The following ERCC6L2 variants were observed in gnomAD, a reference collection of about 807,000 sequenced individuals.
ERCC6L2 encodes DNA excision repair protein ERCC-6-like 2.
In ERCC6L2, 77 loss-of-function variants were observed where a neutral mutation model predicts 132.0. The observed-to-expected ratio is 0.58, with a 90% CI of 0.49 to 0.71. ERCC6L2 has a LOEUF of 0.71. ERCC6L2 is among the 30% of genes least tolerant of loss of function. The pLI is 0.00. For synonymous variants in ERCC6L2, 583 were observed against 632.4 expected, an observed-to-expected ratio of 0.92 and a Z score of 1.17; for missense variants, 1,542 against 1,837.6, an observed-to-expected ratio of 0.84 and a Z score of 2.94.
At chr9:95,954,997 T>C (rs1831528376) in intron 12 of ERCC6L2, 1 of 413,468 alleles carries the variant, frequency 2.4e-6, no homozygotes, top group African/African-American at 2.1e-5. Context: ...TTCCCCCAAA[T>C]TGTGACATTT....
chr9:95,948,804 A>AAAAG (rs1564252542), intron 12 of ERCC6L2, among the ~76,000 whole-genome samples: 1 of 144,038 alleles, frequency 6.9e-6, no homozygotes, highest in East Asian at 2.1e-4. Context: ...AAAAAAAAAA[A>AAAAG]AAAAGAAAAG....
At chr9:96,025,762 G>A in intron 19 of ERCC6L2, 1 of 152,186 alleles carries the variant, frequency 6.6e-6, no homozygotes, top group Non-Finnish European at 1.5e-5. Context: ...TTTTAGAACT[G>A]ATCATTTGGG....
chr9:95,916,475 ATT>A, intron 6 of ERCC6L2, 41 bp downstream of exon 6: 3 of 1,284,116 alleles, frequency 2.3e-6, no homozygotes, highest in East Asian at 2.9e-5. Flanking sequence ...TTGTGGTCAT[ATT>A]TTTTTTTTCC....
At chr9:96,035,707 A>ATACCTCAGT (rs1834511249) in intron 19 of ERCC6L2, among the ~76,000 whole-genome samples, 1 of 152,208 alleles carries the variant, frequency 6.6e-6, no homozygotes, top group Non-Finnish European at 1.5e-5. Context: ...ACCTGTCTGC[A>ATACCTCAGT]TACCTCAGTT....
In ERCC6L2 at chr9:95,897,743, T is replaced by C. The variant is rs1828543185; in HGVS notation, c.472-106T>C. 18 of 1,131,720 alleles carry C rather than the reference T, an allele frequency of 1.6e-5. No individual in the cohort carries two copies. The South Asian group carries it at 2.5e-4, about 16-fold the overall frequency. The allele number at this position is 1,131,720 out of a possible 1,614,324, so 70.1% of individuals were successfully genotyped here. A position where few individuals can be genotyped will look rare whatever the true frequency, so the allele number is the denominator to read the frequency against. ...TTCATGTTCTATTTCCCCCAACAAA[T>C]CTCTTTGTACATACTTTGTCACTAA... On this transcript the variant is annotated intron_variant, in intron 2 of 18. Transcript: ENST00000653738.
chr9:95,941,806 A>G (rs1587945786), intron 12 of ERCC6L2, among the ~76,000 whole-genome samples: 1 of 152,316 alleles, frequency 6.6e-6, no homozygotes, highest in Non-Finnish European at 1.5e-5. Context: ...ACTGTAGGAA[A>G]ATAGGATAGT....
downstream of ERCC6L2, chr9:96,020,216 C>A (rs1834260960): frequency 6.3e-6 from 1 of 157,856 alleles, no homozygotes. Flanking sequence ...GTCACGAGAG[C>A]AGCGTTCAGG....
At chr9:95,990,791 C>T (rs1262677650) in intron 17 of ERCC6L2, among the ~76,000 whole-genome samples, 2 of 152,232 alleles carry the variant, frequency 1.3e-5, no homozygotes, top group Non-Finnish European at 2.9e-5. Context: ...AAGTGCCAGC[C>T]AGCTGAGTGG....
At position 95,972,567 on chromosome 9, in the gene ERCC6L2, C is replaced by G. The variant is rs1832466944; in HGVS notation, c.2816C>G (p.Thr939Arg). 2 of 1,289,148 alleles carry G rather than the reference C, an allele frequency of 1.6e-6. No homozygotes were observed. The highest frequency in any genetic ancestry group is 2.0e-6 in the Non-Finnish European group (2 of 988,724). The allele number at this position is 1,289,148 out of a possible 1,614,324, so 79.9% of individuals were successfully genotyped here. A position where few individuals can be genotyped will look rare whatever the true frequency, so the allele number is the denominator to read the frequency against. ...TCTGAAACAGAACACACTGTAAAAA[C>G]AAGAAATAATGATAATAGTCGAAAC... is the stretch of plus-strand genomic sequence containing the variant. ...EDSETEHTVK[T>R]RNNDNSRNTD... The change falls in exon 16 of 19, where the codon ACA (threonine) becomes AGA (arginine). Residue 939 changes from threonine (T) to arginine (R), a missense_variant. This residue lies in a region of ERCC6L2 where 945 missense variants were observed against 1,105.2 expected (regional missense o/e 0.86). Coordinates refer to ENST00000653738, the MANE Select transcript of ERCC6L2 (RefSeq NM_020207.7).
intron 6 of ERCC6L2, among the ~76,000 whole-genome samples, chr9:95,916,751 T>G (rs989578435): frequency 6.6e-6 from 1 of 151,436 alleles, no homozygotes; most frequent in Non-Finnish European, 1.5e-5. Context: ...GGCGCGATCT[T>G]GGCTCACTGC....
Position 95,972,143 on chromosome 9 carries a change from T to C in ERCC6L2, c.2392T>C (p.Leu798=), listed in dbSNP as rs921668742. The change falls in exon 16 of 19, where the codon TTG becomes CTG. Residue 798 remains leucine (L), a synonymous_variant. Coordinates refer to ENST00000653738, the MANE Select transcript of ERCC6L2 (RefSeq NM_020207.7). The part of the protein sequence containing the change: ...LTLLQCGFSK[L]LETKCKAVED... ...CTTACTCCAGTGTGGTTTCTCGAAA[T>C]TGCTTGAAACAAAATGTAAAGCAGT... is the stretch of plus-strand genomic sequence containing the variant. 1 of 1,304,232 alleles carries C rather than the reference T, an allele frequency of 7.7e-7. No individual in the cohort carries two copies. The highest frequency in any genetic ancestry group is 1.0e-6 in the Non-Finnish European group (1 of 988,930). The allele number at this position is 1,304,232 out of a possible 1,614,324, so 80.8% of individuals were successfully genotyped here.
rs73536565 is a variant in ERCC6L2, at chr9:96,015,880, C to T, written c.*2677C>T. Among the ~76,000 whole-genome samples, 964 of 152,228 alleles carry T rather than the reference C, an allele frequency of 6.3e-3. 14 individuals are homozygous for T. The highest frequency in any genetic ancestry group is 0.022 in the African/African-American group (928 of 41,524). ...CTGGAGTTTAAAAATTAGTTTCCAA[C>T]AGTTGTCAGTGAAATATTTATCACT... is the stretch of plus-strand genomic sequence containing the variant. On this transcript the variant is annotated 3_prime_UTR_variant, in exon 19 of 19. Transcript: ENST00000653738.
At chr9:95,893,123 CTAA>C (rs1304669844) in intron 2 of ERCC6L2, among the ~76,000 whole-genome samples, 2 of 151,990 alleles carry the variant, frequency 1.3e-5, no homozygotes, top group Admixed American at 6.6e-5. Context: ...TGCAATGTAC[CTAA>C]TAATGTACTG....
chr9:95,939,262 C>T (rs956075394), intron 11 of ERCC6L2, among the ~76,000 whole-genome samples: 1 of 148,956 alleles, frequency 6.7e-6, no homozygotes. Flanking sequence ...CCTTTCTGTT[C>T]TAGTTCCAAG....
chr9:95,956,941 A>G (rs2132992637), intron 13 of ERCC6L2, among the ~76,000 whole-genome samples: 1 of 152,308 alleles, frequency 6.6e-6, no homozygotes, highest in Non-Finnish European at 1.5e-5. Flanking sequence ...GTGCCATCAC[A>G]TGAAGATTAG....
chr9:95,934,427 GA>G (rs1830470604), intron 11 of ERCC6L2, among the ~76,000 whole-genome samples: 1 of 129,956 alleles, frequency 7.7e-6, no homozygotes, highest in Admixed American at 7.9e-5. Context: ...TATGCTGATA[GA>G]AAAAAATGAA....
At chr9:96,025,717 GAT>G (rs1354849617) in intron 19 of ERCC6L2, 2 of 152,196 alleles carry the variant, frequency 1.3e-5, no homozygotes, top group Non-Finnish European at 1.5e-5. Flanking sequence ...TGTTTGCATT[GAT>G]ATTTCCACCA....
intron 18 of ERCC6L2, among the ~76,000 whole-genome samples, chr9:96,005,325 A>G (rs1199167399): frequency 6.6e-6 from 1 of 151,974 alleles, no homozygotes; most frequent in African/African-American, 2.4e-5. Context: ...AAAAAAAAGG[A>G]CAGACATAGA....
At chr9:95,975,171 C>T (rs1285546138) in intron 16 of ERCC6L2, among the ~76,000 whole-genome samples, 1 of 152,126 alleles carries the variant, frequency 6.6e-6, no homozygotes, top group Non-Finnish European at 1.5e-5. Context: ...GTATACTACT[C>T]CCCTCTTAGA....
Sources: gnomAD v4.1 joint callset for allele counts (sites outside exome capture counted in the v4.1 genomes callset) on GRCh38, gnomAD v4.1.1 for gene constraint, gnomAD v4.1.1 regional missense constraint, MANE v1.5 for transcripts, NCBI Gene and HGNC (gene_info 2026-07-23, HGNC 2026-07-21) for gene names.